The following MMP16 variants were observed in gnomAD, a reference collection of about 807,000 sequenced individuals.
The protein encoded by MMP16 is matrix metallopeptidase 16, also known as matrix metalloproteinase-16.
Under a neutral mutation model 67.8 loss-of-function variants are expected in MMP16, and 12 were observed. The observed-to-expected ratio is 0.18, with a 90% CI of 0.11 to 0.29. MMP16 has a LOEUF of 0.29. Among genes scored for constraint, MMP16 ranks in the 10% least tolerant of loss-of-function variants. The probability of loss-of-function intolerance (pLI) is 1.00; values close to 1 mark genes in which losing one functional copy is unlikely to be tolerated. For missense variants in MMP16, 475 were observed against 765.7 expected, an observed-to-expected ratio of 0.62 and a Z score of 4.48; for synonymous variants, 249 against 255.9, an observed-to-expected ratio of 0.97 and a Z score of 0.26.
chr8:88,159,647 G>T (rs1808578201), intron 4 of MMP16, among the ~76,000 whole-genome samples: 1 of 152,036 alleles, frequency 6.6e-6, no homozygotes, highest in Non-Finnish European at 1.5e-5. Context: ...TGATTGCCCT[G>T]GCCAGAACTT....
chr8:88,229,174 T>C (rs1041239733), intron 1 of MMP16, among the ~76,000 whole-genome samples: 1 of 152,032 alleles, frequency 6.6e-6, no homozygotes, highest in Non-Finnish European at 1.5e-5. Context: ...GTCACTAATA[T>C]AGAAGTGATA....
At chr8:88,126,122 A>C (rs1396233508) in intron 4 of MMP16, among the ~76,000 whole-genome samples, 4 of 151,904 alleles carry the variant, frequency 2.6e-5, no homozygotes, top group Non-Finnish European at 5.9e-5. Flanking sequence ...AAAAATTTTC[A>C]ATTATCTACT....
chr8:88,143,091 GGCATCAGACT>G lies in MMP16; in HGVS notation c.710-24240_710-24231del, dbSNP rs148612781. 3.3e-4 allele frequency among the ~76,000 whole-genome samples: 50 copies of G among 152,076 alleles called. No homozygotes were observed. In the East Asian group the frequency reaches 6.8e-3, roughly 21 times the overall value. On this transcript the variant is annotated intron_variant, in intron 4 of 9. Transcript: ENST00000286614. ...TGTCAAATCTAAAAAGAACAAGGCAGGCATCAGACTGCATCAGACTGCATTGTCTTGAATT... is the reference window on the plus strand; with the variant it reads ...TGTCAAATCTAAAAAGAACAAGGCAGGCATCAGACTGCATTGTCTTGAATT...
Position 88,037,287 on chromosome 8 carries a change from C to T in MMP16, c.*4174G>A, listed in dbSNP as rs1808067397. On this transcript the variant is annotated 3_prime_UTR_variant, in exon 10 of 10. Coordinates refer to ENST00000286614, the MANE Select transcript of MMP16 (RefSeq NM_005941.5). ...CACAGAGAGGGAATGAAAATAGGTA[C>T]ACAGTATATGAAATGGCCAAATTAT... is the stretch of plus-strand genomic sequence containing the variant. 1 of 150,960 alleles carries T rather than the reference C, an allele frequency of 6.6e-6. No individual in the cohort carries two copies. Among genetic ancestry groups the T allele is most frequent in the African/African-American group, 2.4e-5 (1 of 41,120 alleles). 9.4% of individuals were successfully genotyped at this position (150,960 alleles called of 1,614,324 possible).
intron 1 of MMP16, among the ~76,000 whole-genome samples, chr8:88,233,840 T>A (rs1450105970): frequency 6.6e-6 from 1 of 152,322 alleles, no homozygotes; most frequent in Admixed American, 6.5e-5. Flanking sequence ...GAACAGATAT[T>A]TAATGCATGG....
chr8:88,198,605 G>A (rs1809293307), intron 1 of MMP16, among the ~76,000 whole-genome samples: 1 of 151,964 alleles, frequency 6.6e-6, no homozygotes, highest in African/African-American at 2.4e-5. Context: ...GGTATTAAAT[G>A]TATCAAAGTC....
At chr8:88,076,264 G>T (rs1808650064) in intron 6 of MMP16, among the ~76,000 whole-genome samples, 1 of 152,092 alleles carries the variant, frequency 6.6e-6, no homozygotes, top group African/African-American at 2.4e-5. Flanking sequence ...CTAATTTATA[G>T]CATGATTACT....
intron 6 of MMP16, among the ~76,000 whole-genome samples, chr8:88,113,289 G>A (rs1424066258): frequency 5.3e-5 from 8 of 151,750 alleles, no homozygotes; most frequent in Non-Finnish European, 1.2e-4. Context: ...TGGGACATCA[G>A]GAAGATGCTA....
intron 1 of MMP16, among the ~76,000 whole-genome samples, chr8:88,202,513 T>C (rs1563561002): frequency 6.6e-6 from 1 of 152,272 alleles, no homozygotes; most frequent in East Asian, 1.9e-4. Flanking sequence ...AATTCCATTA[T>C]GTGCTAGTCA....
At chr8:88,207,076 T>G (rs1265852194) in intron 1 of MMP16, among the ~76,000 whole-genome samples, 1 of 152,186 alleles carries the variant, frequency 6.6e-6, no homozygotes, top group Non-Finnish European at 1.5e-5. Context: ...AACTCTAAAA[T>G]TTAGATATGT....
At chr8:88,301,224 G>A (rs548081349) in intron 1 of MMP16, among the ~76,000 whole-genome samples, 3 of 152,098 alleles carry the variant, frequency 2.0e-5, no homozygotes, top group African/African-American at 7.2e-5. Flanking sequence ...ATAACATGCC[G>A]GGGGGAAAGA....
rs1402729674 is a variant in MMP16 at position 88,318,506 on chromosome 8, C to T, written c.132+8569G>A. Among the ~76,000 whole-genome samples the T allele has an allele frequency of 4.6e-5, 7 of 152,250 alleles. No individual in the cohort carries two copies. The South Asian group carries it at 6.2e-4, about 14-fold the overall frequency. ...TTTAGTTTGGAATACAAACGATGTT[C>T]GTAATGGAACTGGATCAAATTATCC... On this transcript the variant is annotated intron_variant, in intron 1 of 9. Coordinates refer to ENST00000286614, the MANE Select transcript of MMP16 (RefSeq NM_005941.5).
At chr8:88,287,857 C>A (rs754244659) in intron 1 of MMP16, among the ~76,000 whole-genome samples, 1 of 152,132 alleles carries the variant, frequency 6.6e-6, no homozygotes, top group Non-Finnish European at 1.5e-5. Context: ...CAGCATTAGC[C>A]TTCATTTACA....
intron 6 of MMP16, among the ~76,000 whole-genome samples, chr8:88,091,538 G>A (rs1808936102): frequency 6.6e-6 from 1 of 150,932 alleles, no homozygotes; most frequent in South Asian, 2.1e-4. Flanking sequence ...ATGAAAAGGT[G>A]ACTAATTCAT....
At chr8:88,296,600 G>A (rs891259043) in intron 1 of MMP16, among the ~76,000 whole-genome samples, 11 of 152,102 alleles carry the variant, frequency 7.2e-5, no homozygotes, top group African/African-American at 2.2e-4. Flanking sequence ...TTTCGGAGGC[G>A]AGATGGGCAG....
At chr8:88,044,288 C>T (rs1808171829) in intron 9 of MMP16, among the ~76,000 whole-genome samples, 1 of 152,078 alleles carries the variant, frequency 6.6e-6, no homozygotes. Context: ...CCAGCCTGGG[C>T]ACCATAGTGA....
At chr8:88,079,467 T>C (rs1254824852) in intron 6 of MMP16, among the ~76,000 whole-genome samples, 1 of 152,160 alleles carries the variant, frequency 6.6e-6, no homozygotes, top group East Asian at 1.9e-4. Context: ...TATCTGCAGT[T>C]TGAGGCATCC....
intron 1 of MMP16, among the ~76,000 whole-genome samples, chr8:88,303,289 C>A (rs896412436): frequency 6.6e-6 from 1 of 152,166 alleles, no homozygotes; most frequent in African/African-American, 2.4e-5. Flanking sequence ...CTCAAGCCAG[C>A]GATGACAGGT....
intron 1 of MMP16, among the ~76,000 whole-genome samples, chr8:88,325,599 C>T (rs1202776239): frequency 6.6e-6 from 1 of 152,124 alleles, no homozygotes; most frequent in Non-Finnish European, 1.5e-5. Flanking sequence ...ATGTTAGGTA[C>T]AAAAATCCAT....
Sources: gnomAD v4.1 joint callset for allele counts (sites outside exome capture counted in the v4.1 genomes callset) on GRCh38, gnomAD v4.1.1 for gene constraint, MANE v1.5 for transcripts, NCBI Gene and HGNC (gene_info 2026-07-23, HGNC 2026-07-21) for gene names.